Variants in PLD5 observed in about 807,000 individuals in gnomAD.
The protein encoded by PLD5 is phospholipase D family member 5.
PLD5 carries 36 observed loss-of-function variants against 61.1 expected under a neutral mutation model. The observed-to-expected ratio is 0.59, with a 90% CI of 0.45 to 0.78. The LOEUF (loss-of-function observed/expected upper bound fraction) is 0.78, where lower values mean the gene tolerates loss of function less well. PLD5 is among the 30% of genes least tolerant of loss of function. PLD5 has a pLI of 0.00. For synonymous variants in PLD5, 243 were observed against 242.8 expected, an observed-to-expected ratio of 1.00 and a Z score of -0.01; for missense variants, 515 against 644.4, an observed-to-expected ratio of 0.80 and a Z score of 2.17.
chr1:242,094,458 T>C (rs959577571), intron 9 of PLD5, among the ~76,000 whole-genome samples: 3 of 152,150 alleles, frequency 2.0e-5, no homozygotes, highest in Non-Finnish European at 4.4e-5. Context: ...CCATGCAAGG[T>C]CCACTGTGGA....
chr1:242,487,918 T>C (rs539169615), intron 1 of PLD5, among the ~76,000 whole-genome samples: 112 of 152,334 alleles, frequency 7.4e-4, no homozygotes, highest in Admixed American at 1.9e-3. Context: ...TACATGTATG[T>C]ATATCATTTT....
At chr1:242,241,735 C>T (rs1246748742) in intron 4 of PLD5, among the ~76,000 whole-genome samples, 2 of 150,234 alleles carry the variant, frequency 1.3e-5, no homozygotes, top group African/African-American at 4.9e-5. Flanking sequence ...TGTGGAGAAG[C>T]CAGCCCACTA....
chr1:242,413,796 T>C (rs12061610), intron 1 of PLD5, among the ~76,000 whole-genome samples: 67,005 of 151,968 alleles, frequency 0.44, 16,341 homozygotes, highest in African/African-American at 0.66. Flanking sequence ...TGAAGCAATC[T>C]GAAGCAGTTT....
chr1:242,416,977 C>T (rs1664866210), intron 1 of PLD5, among the ~76,000 whole-genome samples: 1 of 152,024 alleles, frequency 6.6e-6, no homozygotes, highest in Non-Finnish European at 1.5e-5. Context: ...ATTTCTGCAC[C>T]CTTCTTGTGA....
intron 5 of PLD5, among the ~76,000 whole-genome samples, chr1:242,131,133 A>C (rs191520263): frequency 6.6e-6 from 1 of 152,068 alleles, no homozygotes; most frequent in Non-Finnish European, 1.5e-5. Flanking sequence ...GTGAAACCTC[A>C]TCTCTACTAA....
At chr1:242,235,678 C>T (rs1671594399) in intron 4 of PLD5, 1 of 152,172 alleles carries the variant, frequency 6.6e-6, no homozygotes, top group South Asian at 2.1e-4. Flanking sequence ...ATGATCACAT[C>T]GCAAGCTGGA....
At chr1:242,312,442 TTAA>T (rs751876211) in intron 2 of PLD5, among the ~76,000 whole-genome samples, 5 of 152,084 alleles carry the variant, frequency 3.3e-5, no homozygotes, top group Non-Finnish European at 5.9e-5. Context: ...ACACAGCTGG[TTAA>T]TGTCTCAATT....
chr1:242,262,657 G>C (rs936914524), intron 4 of PLD5, among the ~76,000 whole-genome samples: 35 of 152,092 alleles, frequency 2.3e-4, no homozygotes, highest in Non-Finnish European at 7.3e-5. Flanking sequence ...GAAAGACGGG[G>C]GGATAGAGTC....
Position 242,089,408 on chromosome 1 carries a change from T to G in PLD5, c.*446A>C. The G allele has an allele frequency of 7.5e-6, 3 of 401,616 alleles. No individual in the cohort carries two copies. In the Admixed American group the frequency reaches 1.3e-4, roughly 17 times the overall value. 24.9% of individuals were successfully genotyped at this position (401,616 alleles called of 1,614,324 possible). The stretch of plus-strand genomic sequence containing the variant: ...TGACTGTGTAGGTCTTGGAGACGAT[T>G]TACAAGAATAAACACTTGGTTTTAT... On this transcript the variant is annotated 3_prime_UTR_variant, in exon 10 of 10. Transcript: ENST00000536534.
chr1:242,520,665 G>C (rs770412393), intron 1 of PLD5, among the ~76,000 whole-genome samples: 3 of 152,166 alleles, frequency 2.0e-5, no homozygotes, highest in Non-Finnish European at 4.4e-5. Flanking sequence ...AAAGTAGAGT[G>C]GGCTTTGCAT....
chr1:242,367,671 CA>C (rs1221363521), intron 1 of PLD5, among the ~76,000 whole-genome samples: 1 of 152,082 alleles, frequency 6.6e-6, no homozygotes, highest in Non-Finnish European at 1.5e-5. Context: ...TAGAGGTGGG[CA>C]GGTAACTAAA....
At chr1:242,155,183 T>A (rs1665255238) in intron 5 of PLD5, among the ~76,000 whole-genome samples, 1 of 152,146 alleles carries the variant, frequency 6.6e-6, no homozygotes, top group Non-Finnish European at 1.5e-5. Flanking sequence ...TTCTTTGAGA[T>A]CCGTGGTGAT....
chr1:242,339,906 A>G (rs1293474838), intron 2 of PLD5, among the ~76,000 whole-genome samples: 1 of 152,226 alleles, frequency 6.6e-6, no homozygotes, highest in African/African-American at 2.4e-5. Flanking sequence ...ACTGGAAAAG[A>G]GAGGGAGCCA....
In PLD5 at chr1:242,083,855, T is replaced by A. The variant is rs1659346918; in HGVS notation, c.*5999A>T. 6.6e-6 allele frequency: 1 copy of A among 152,150 alleles called. No individual in the cohort carries two copies. The highest frequency in any genetic ancestry group is 6.5e-5 in the Admixed American group (1 of 15,272). 9.4% of individuals were successfully genotyped at this position (152,150 alleles called of 1,614,324 possible). On this transcript the variant is annotated 3_prime_UTR_variant, in exon 10 of 10. Transcript: ENST00000536534. ...TTAATCCTGGGAATTGAGGTCATAT[T>A]TCCAAGATTGGTTGTGCATTTGTGT...
chr1:242,447,982 ATTCCGAAGCACTCAGAG>A (rs1174782991), intron 1 of PLD5, among the ~76,000 whole-genome samples: 1 of 152,258 alleles, frequency 6.6e-6, no homozygotes, highest in Admixed American at 6.5e-5. Flanking sequence ...CAGGCAAAAC[ATTCCGAAGCACTCAGAG>A]TCCCATTTAA....
At chr1:242,348,993 G>A (rs1407627158) in intron 1 of PLD5, among the ~76,000 whole-genome samples, 2 of 152,220 alleles carry the variant, frequency 1.3e-5, no homozygotes, top group African/African-American at 2.4e-5. Flanking sequence ...GGCGGAGCTT[G>A]CAGTGAGCCA....
intron 5 of PLD5, among the ~76,000 whole-genome samples, chr1:242,199,709 C>A (rs1488453610): frequency 1.3e-5 from 2 of 152,204 alleles, no homozygotes; most frequent in Non-Finnish European, 2.9e-5. Context: ...TCATTCCACA[C>A]TCCGCCTCCA....
intron 4 of PLD5, among the ~76,000 whole-genome samples, chr1:242,240,154 T>C (rs1671905279): frequency 6.6e-6 from 1 of 152,222 alleles, no homozygotes; most frequent in African/African-American, 2.4e-5. Context: ...CTTACATCTA[T>C]AGAAATGTTT....
chr1:242,360,071 A>G (rs1660982327), intron 1 of PLD5, among the ~76,000 whole-genome samples: 1 of 152,204 alleles, frequency 6.6e-6, no homozygotes. Context: ...TCAAAATCGT[A>G]AAGCAATATT....
Sources: gnomAD v4.1 joint callset for allele counts (sites outside exome capture counted in the v4.1 genomes callset) on GRCh38, gnomAD v4.1.1 for gene constraint, MANE v1.5 for transcripts, NCBI Gene and HGNC (gene_info 2026-07-23, HGNC 2026-07-21) for gene names.